ALPL: variants seen among roughly 807,000 people sequenced by gnomAD.
ALPL encodes alkaline phosphatase, biomineralization associated, also known as alkaline phosphatase, tissue-nonspecific isozyme.
Under a neutral mutation model 51.3 loss-of-function variants are expected in ALPL, and 42 were observed. The observed-to-expected ratio is 0.82, with a 90% CI of 0.64 to 1.06. The LOEUF (loss-of-function observed/expected upper bound fraction) is 1.06, where lower values mean the gene tolerates loss of function less well. ALPL is among the 50% of genes least tolerant of loss of function. ALPL has a pLI of 0.00. For synonymous variants in ALPL, 279 were observed against 296.4 expected (o/e 0.94, Z 0.60); for missense variants, 589 against 709.4 (o/e 0.83, Z 1.93).
At chr1:21,570,519 G>A (rs1315761680) in intron 8 of ALPL, 145 bp downstream of exon 8, 1 of 800,216 alleles carries the variant, frequency 1.2e-6, no homozygotes, top group Non-Finnish European at 2.0e-6. Context: ...GGAGAGGCAA[G>A]GAAGGGGGTT....
At chr1:21,550,567 T>C (rs1477010669) in intron 1 of ALPL, among the ~76,000 whole-genome samples, 1 of 152,134 alleles carries the variant, frequency 6.6e-6, no homozygotes, top group Non-Finnish European at 1.5e-5. Flanking sequence ...TTTATTTTAT[T>C]GAAATAAAAT....
intron 1 of ALPL, among the ~76,000 whole-genome samples, chr1:21,541,766 T>C (rs1485407961): frequency 6.6e-6 from 1 of 152,142 alleles, no homozygotes; most frequent in African/African-American, 2.4e-5. Flanking sequence ...TGGGACATTC[T>C]AGTCTGGGAA....
Position 21,544,965 on chromosome 1 carries a change from T to TA in ALPL, c.-104-9005dup, listed in dbSNP as rs531421917. Among the ~76,000 whole-genome samples the TA allele has an allele frequency of 6.5e-4, 99 of 151,864 alleles. 3 individuals carry two copies. The highest frequency in any genetic ancestry group is 1.4e-3 in the East Asian group (7 of 5,176). ...ATTAAAAAAAATACCCTCTAACCCT[T>TA]AAAAAAAATAACCTAAAGTCTTTAT... On this transcript the variant is annotated intron_variant, in intron 1 of 11. Transcript: ENST00000374840.
At chr1:21,568,380 C>A in intron 7 of ALPL, 133 bp downstream of exon 7, 1 of 1,222,542 alleles carries the variant, frequency 8.2e-7, no homozygotes, top group Non-Finnish European at 1.2e-6. Flanking sequence ...GCTCAAATGG[C>A]CTAAGAGATA....
intron 1 of ALPL, among the ~76,000 whole-genome samples, chr1:21,538,194 C>T (rs1050469364): frequency 1.3e-5 from 2 of 152,188 alleles, no homozygotes; most frequent in East Asian, 1.9e-4. Flanking sequence ...CCCCATTTGA[C>T]GGGTGAGGTG....
Position 21,551,723 on chromosome 1 carries a change from T to TTTG in ALPL, c.-104-2253_-104-2252insGTT, listed in dbSNP as rs1221263943. Among the ~76,000 whole-genome samples the TTTG allele has an allele frequency of 1.4e-3, 169 of 117,596 alleles. 5 individuals carry two copies. The highest frequency in any genetic ancestry group is 5.2e-3 in the African/African-American group (162 of 30,880). The allele number at this position is 117,596 out of a possible 152,430, so 77.1% of individuals were successfully genotyped here. A position where few individuals can be genotyped will look rare whatever the true frequency, so the allele number is the denominator to read the frequency against. On this transcript the variant is annotated intron_variant, in intron 1 of 11. Transcript: ENST00000374840. The stretch of plus-strand genomic sequence containing the variant: ...CACTGGAGCGCAGCTTGCGTGGTTT[T>TTTG]TTTTTTTTTTTTTTTTTTTTTTGAG...
At chr1:21,522,233 A>G (rs1428071732) in intron 1 of ALPL, among the ~76,000 whole-genome samples, 5 of 151,994 alleles carry the variant, frequency 3.3e-5, no homozygotes, top group East Asian at 3.9e-4. Context: ...CACCACGCCC[A>G]GCTAATTTTT....
intron 10 of ALPL, among the ~76,000 whole-genome samples, chr1:21,576,259 ATGGATGGATGGG>A (rs1324148730): frequency 5.1e-5 from 2 of 39,000 alleles, no homozygotes; most frequent in East Asian, 2.8e-3. Flanking sequence ...TGGATGATGG[ATGGATGGATGGG>A]TGGATGGATG....
chr1:21,520,758 T>G (rs1451297202), intron 1 of ALPL, among the ~76,000 whole-genome samples: 1 of 152,146 alleles, frequency 6.6e-6, no homozygotes, highest in Non-Finnish European at 1.5e-5. Context: ...CGAAAGCCAT[T>G]TCTTATTCAT....
chr1:21,554,026 A>AC lies in ALPL; in HGVS notation c.-53dup. On this transcript the variant is annotated 5_prime_UTR_variant, in exon 2 of 12. Transcript: ENST00000374840. Reference sequence around the variant, plus strand: ...GACCACTGCCAGCCCACCCCCTCCCACCCACGTCGATTGCATCTCTGGGCT... The same window carrying AC: ...GACCACTGCCAGCCCACCCCCTCCCACCCCACGTCGATTGCATCTCTGGGCT... 4.5e-6 allele frequency: 3 copies of AC among 667,094 alleles called. No homozygotes were observed. The highest frequency in any genetic ancestry group is 1.4e-5 in the South Asian group (1 of 72,740). 41.3% of individuals were successfully genotyped at this position (667,094 alleles called of 1,614,324 possible). A position where few individuals can be genotyped will look rare whatever the true frequency, so the allele number is the denominator to read the frequency against.
At chr1:21,530,954 ATTTTTT>A (rs34079543) in intron 1 of ALPL, among the ~76,000 whole-genome samples, 16,532 of 103,996 alleles carry the variant, frequency 0.16, 1,486 homozygotes, top group East Asian at 0.5. Context: ...ATCATTTTTG[ATTTTTT>A]TTTTTTTTTT....
rs1558558976 is a variant in ALPL, at chr1:21,577,543, CG to C, written c.1474del (p.Ala492ProfsTer29). On this transcript the variant is annotated frameshift_variant, in exon 12 of 12. Transcript: ENST00000374840. LOFTEE classifies it low-confidence loss of function (END_TRUNC). ...PHVMAYAACI[G>X]ANLGHCAPAS... is the part of the protein sequence containing the mutation. ...ACGTGATGGCGTATGCAGCCTGCAT[CG>C]GGGCCAACCTCGGCCACTGTGCTCC... 2.0e-5 allele frequency: 32 copies of C among 1,606,138 alleles called. No homozygotes were observed. The highest frequency in any genetic ancestry group is 2.5e-5 in the Non-Finnish European group (29 of 1,179,870).
At chr1:21,524,034 C>T (rs951189846) in intron 1 of ALPL, among the ~76,000 whole-genome samples, 7 of 128,162 alleles carry the variant, frequency 5.5e-5, no homozygotes, top group Admixed American at 1.9e-4. Context: ...CATGGAGTCT[C>T]GCTCTGTCGC....
chr1:21,564,635 G>A lies in ALPL; in HGVS notation c.648+419G>A, dbSNP rs1644537765. Among the ~76,000 whole-genome samples, 1 of 152,188 alleles carries A rather than the reference G, an allele frequency of 6.6e-6. No homozygotes were observed. Among genetic ancestry groups the A allele is most frequent in the South Asian group, 2.1e-4 (1 of 4,822 alleles). ...CGGCAAAGAGCTGGTGTGTACAGTG[G>A]TTGGCTAGTGCCAGCTCTCGTGTTT... On this transcript the variant is annotated intron_variant, in intron 6 of 11. Coordinates refer to ENST00000374840, the MANE Select transcript of ALPL (RefSeq NM_000478.6). The surrounding 1 kb of genome is among the most constrained non-coding windows in gnomAD (Gnocchi z 5.8).
At chr1:21,519,844 C>T (rs12076021) in intron 1 of ALPL, among the ~76,000 whole-genome samples, 8 of 151,976 alleles carry the variant, frequency 5.3e-5, no homozygotes, top group African/African-American at 1.9e-4. Context: ...GGTGGTGGGC[C>T]CCGGACCACA....
At chr1:21,539,485 C>T (rs1401223616) in intron 1 of ALPL, among the ~76,000 whole-genome samples, 2 of 152,112 alleles carry the variant, frequency 1.3e-5, no homozygotes, top group South Asian at 2.1e-4. Context: ...CACTAATGTA[C>T]GGAAGTCCAA....
At chr1:21,563,896 G>A in intron 5 of ALPL, 145 bp from the exon 6 acceptor site, 4 of 1,043,672 alleles carry the variant, frequency 3.8e-6, no homozygotes, top group South Asian at 1.5e-5. Context: ...GACACCTGCT[G>A]CTGTGGATGG....
chr1:21,526,758 T>C (rs1643948715), intron 1 of ALPL, among the ~76,000 whole-genome samples: 1 of 152,252 alleles, frequency 6.6e-6, no homozygotes, highest in Admixed American at 6.5e-5. Context: ...AGTGTGTTTA[T>C]GTATTTTGTT....
In ALPL at chr1:21,544,281, G is replaced by A. The variant is rs115799283; in HGVS notation, c.-104-9697G>A. Among the ~76,000 whole-genome samples, 530 of 152,366 alleles carry A rather than the reference G, an allele frequency of 3.5e-3. 4 individuals are homozygous for A. The highest frequency in any genetic ancestry group is 0.012 in the African/African-American group (485 of 41,588). ...CCCAGCAACACACACCTGGGAAGTG[G>A]TGGAGCTTGGGCTTGGATCAGATTT... On this transcript the variant is annotated intron_variant, in intron 1 of 11. Coordinates refer to ENST00000374840, the MANE Select transcript of ALPL (RefSeq NM_000478.6).
Sources: gnomAD v4.1 joint callset for allele counts (sites outside exome capture counted in the v4.1 genomes callset) on GRCh38, gnomAD v4.1.1 for gene constraint, Gnocchi (gnomAD v3.1) non-coding constraint, MANE v1.5 for transcripts, NCBI Gene and HGNC (gene_info 2026-07-23, HGNC 2026-07-21) for gene names.